EXTL3: variants seen among roughly 807,000 people sequenced by gnomAD.
EXTL3 encodes the protein exostosin-like 3.
A neutral mutation model predicts 69.3 loss-of-function variants in EXTL3; 27 were observed. The observed-to-expected ratio is 0.39, with a 90% CI of 0.29 to 0.54. EXTL3 has a LOEUF of 0.54. Among genes scored for constraint, EXTL3 ranks in the 20% least tolerant of loss-of-function variants. The pLI, the probability that EXTL3 is intolerant of heterozygous loss-of-function variation, is 0.69. For missense variants in EXTL3, 1,003 were observed against 1,231.8 expected (o/e 0.81, Z 2.78); for synonymous variants, 511 against 499.4 (o/e 1.02, Z -0.31).
At chr8:28,667,858 TAA>T (rs879703751) in intron 1 of EXTL3, among the ~76,000 whole-genome samples, 30 of 138,058 alleles carry the variant, frequency 2.2e-4, no homozygotes, top group African/African-American at 6.5e-4. Flanking sequence ...AATTAAAGTA[TAA>T]AAAAAAAAAA....
intron 1 of EXTL3, among the ~76,000 whole-genome samples, chr8:28,652,775 A>G (rs567242306): frequency 1.3e-5 from 2 of 152,234 alleles, no homozygotes; most frequent in South Asian, 4.1e-4. Context: ...AATGTTGAGC[A>G]TCTTTTCCTG....
chr8:28,621,380 A>G (rs553551492), upstream of EXTL3, among the ~76,000 whole-genome samples: 7 of 152,316 alleles, frequency 4.6e-5, no homozygotes, highest in East Asian at 9.6e-4. Context: ...GCCTGAAACA[A>G]TCTTTCCTCA....
intron 3 of EXTL3, among the ~76,000 whole-genome samples, chr8:28,722,666 T>G (rs956134619): frequency 2.6e-5 from 4 of 151,076 alleles, no homozygotes; most frequent in Non-Finnish European, 4.4e-5. Flanking sequence ...TCCAGGCTCT[T>G]GGGAAGCCGA....
At chr8:28,658,544 A>G (rs762147173) in intron 1 of EXTL3, among the ~76,000 whole-genome samples, 1 of 150,846 alleles carries the variant, frequency 6.6e-6, no homozygotes, top group Non-Finnish European at 1.5e-5. Context: ...CTGCCCCCGC[A>G]CTTATCTTGG....
At chr8:28,657,221 A>T (rs1312078641) in intron 1 of EXTL3, among the ~76,000 whole-genome samples, 2 of 152,144 alleles carry the variant, frequency 1.3e-5, no homozygotes, top group African/African-American at 4.8e-5. Context: ...GAAATTATAG[A>T]CATGAGCCAC....
intron 1 of EXTL3, among the ~76,000 whole-genome samples, chr8:28,669,927 G>C (rs1365618576): frequency 1.3e-5 from 2 of 152,158 alleles, no homozygotes; most frequent in Non-Finnish European, 2.9e-5. Context: ...GGGACTTTGA[G>C]GCCGGGTGCA....
chr8:28,749,997 A>G (rs895061559), intron 6 of EXTL3, among the ~76,000 whole-genome samples: 1 of 152,198 alleles, frequency 6.6e-6, no homozygotes, highest in South Asian at 2.1e-4. Flanking sequence ...TTCTTATTAC[A>G]GGCTCTGCCC....
chr8:28,725,095 T>C (rs537619421), intron 3 of EXTL3, among the ~76,000 whole-genome samples: 109 of 152,258 alleles, frequency 7.2e-4, no homozygotes, highest in African/African-American at 2.6e-3. Context: ...TTCTCAGATA[T>C]GGATTTGCTA....
intron 1 of EXTL3, among the ~76,000 whole-genome samples, chr8:28,638,309 TAAACTCAACCAACTA>T (rs1243713660): frequency 6.6e-6 from 1 of 152,216 alleles, no homozygotes. Flanking sequence ...ATTAACTCCA[TAAACTCAACCAACTA>T]AAACACCACT....
At chr8:28,690,861 G>A (rs1800604088) in intron 1 of EXTL3, among the ~76,000 whole-genome samples, 1 of 152,164 alleles carries the variant, frequency 6.6e-6, no homozygotes, top group South Asian at 2.1e-4. Context: ...CACACAGATG[G>A]ATCCTAGTTA....
intron 1 of EXTL3, among the ~76,000 whole-genome samples, chr8:28,636,331 C>CAAAAA (rs377313297): frequency 8.6e-6 from 1 of 115,942 alleles, no homozygotes; most frequent in African/African-American, 3.0e-5. Context: ...GACTCCATCT[C>CAAAAA]AAAAAAAAAA....
chr8:28,620,437 C>T (rs999200529), upstream of EXTL3, among the ~76,000 whole-genome samples: 3 of 152,138 alleles, frequency 2.0e-5, no homozygotes, highest in Admixed American at 6.6e-5. Context: ...TGTGTGCCAT[C>T]CAAGAATGGG....
intron 1 of EXTL3, among the ~76,000 whole-genome samples, chr8:28,692,406 T>C: frequency 6.6e-6 from 1 of 152,190 alleles, no homozygotes; most frequent in East Asian, 1.9e-4. Context: ...ACCTTTTGGG[T>C]TGAGAATTAA....
At chr8:28,683,801 C>G (rs1444129901) in intron 1 of EXTL3, among the ~76,000 whole-genome samples, 1 of 151,780 alleles carries the variant, frequency 6.6e-6, no homozygotes, top group Admixed American at 6.6e-5. Context: ...CAGTGTGAGA[C>G]TCCGTCTCAA....
upstream of EXTL3, among the ~76,000 whole-genome samples, chr8:28,618,268 A>C (rs1329449944): frequency 6.6e-6 from 1 of 152,024 alleles, no homozygotes; most frequent in African/African-American, 2.4e-5. Context: ...GGAGTTCAAG[A>C]CCAGCCTGAC....
chr8:28,755,109 T>G lies in EXTL3; in HGVS notation c.*4243T>G, dbSNP rs906178825. 1 of 152,118 alleles carries G rather than the reference T, an allele frequency of 6.6e-6. No individual in the cohort carries two copies. The highest frequency in any genetic ancestry group is 1.5e-5 in the Non-Finnish European group (1 of 67,978). The allele number at this position is 152,118 out of a possible 1,614,324, so 9.4% of individuals were successfully genotyped here. On this transcript the variant is annotated 3_prime_UTR_variant, in exon 7 of 7. Coordinates refer to ENST00000220562, the MANE Select transcript of EXTL3 (RefSeq NM_001440.4). ...TCTTAAGCATATGTTAAAAGTTAAA[T>G]AATATAATATACGTAGAGTCCACTG...
chr8:28,661,496 A>T (rs532149120), intron 1 of EXTL3, among the ~76,000 whole-genome samples: 1 of 152,238 alleles, frequency 6.6e-6, no homozygotes, highest in East Asian at 1.9e-4. Context: ...ATAAAGCCTT[A>T]ACATGAATAT....
chr8:28,608,109 C>CAAAA (rs1158457543), intron 2 of EXTL3, among the ~76,000 whole-genome samples: 2 of 103,904 alleles, frequency 1.9e-5, no homozygotes, highest in East Asian at 2.7e-4. Flanking sequence ...GACACCATCT[C>CAAAA]AAAAAAAAAA....
intron 4 of EXTL3, among the ~76,000 whole-genome samples, chr8:28,735,258 CG>C (rs1448662201): frequency 6.6e-6 from 1 of 152,072 alleles, no homozygotes; most frequent in Non-Finnish European, 1.5e-5. Context: ...CAGTTTGGAG[CG>C]TGCCGAAGGA....
Sources: allele counts gnomAD v4.1 joint callset (sites outside exome capture counted in the v4.1 genomes callset), GRCh38; gene constraint gnomAD v4.1.1; transcripts MANE v1.5; gene names NCBI Gene and HGNC (gene_info 2026-07-23, HGNC 2026-07-21).